Variants in TTC34 observed in about 807,000 individuals in gnomAD.
The protein encoded by TTC34 is tetratricopeptide repeat protein 34.
TTC34 carries 44 observed loss-of-function variants against 40.7 expected under a neutral mutation model. The observed-to-expected ratio is 1.08, with a 90% confidence interval of 0.85 to 1.39. TTC34 has a LOEUF of 1.39. Ranked by LOEUF, TTC34 falls within the 40% of genes most tolerant of loss-of-function variation. The pLI is 0.00. For synonymous variants in TTC34, 422 were observed against 398.6 expected, an observed-to-expected ratio of 1.06 and a Z score of -0.70; for missense variants, 884 against 838.0, an observed-to-expected ratio of 1.05 and a Z score of -0.68.
intron 2 of TTC34, among the ~76,000 whole-genome samples, chr1:2,791,751 C>T (rs1026526715): frequency 6.6e-6 from 1 of 152,048 alleles, no homozygotes; most frequent in Non-Finnish European, 1.5e-5. Flanking sequence ...AGGGGAGAAC[C>T]CTTGGGACCT....
intron 6 of TTC34, among the ~76,000 whole-genome samples, chr1:2,755,591 G>T (rs1410337383): frequency 1.0e-4 from 3 of 29,260 alleles, no homozygotes; most frequent in Non-Finnish European, 2.2e-4. Flanking sequence ...ACCTCCCGGC[G>T]AGCATCCGAC....
rs1171003756 is a variant in TTC34, at chr1:2,694,045, A to T, written c.2227-48482T>A. Reference sequence around the variant, plus strand: ...ACCCACACCCCCAGGCGAGCATCTCACAGCACGTAACAGCACCCACACACC... The same window carrying T: ...ACCCACACCCCCAGGCGAGCATCTCTCAGCACGTAACAGCACCCACACACC... On this transcript the variant is annotated intron_variant, in intron 6 of 8. Coordinates refer to ENST00000401095, the Ensembl canonical transcript of TTC34. Among the ~76,000 whole-genome samples the T allele has an allele frequency of 1.0e-4, 12 of 114,490 alleles. 2 individuals carry two copies. The highest frequency in any genetic ancestry group is 1.9e-4 in the Non-Finnish European group (10 of 51,720). The allele number at this position is 114,490 out of a possible 152,430, so 75.1% of individuals were successfully genotyped here. A position where few individuals can be genotyped will look rare whatever the true frequency, so the allele number is the denominator to read the frequency against.
intron 6 of TTC34, among the ~76,000 whole-genome samples, chr1:2,682,013 A>T (rs1274016828): frequency 1.0e-5 from 1 of 100,290 alleles, no homozygotes; most frequent in Non-Finnish European, 2.1e-5. Flanking sequence ...ACAGCCTGGA[A>T]CAACACCCAT....
At chr1:2,684,886 A>G (rs1245633427) in intron 6 of TTC34, among the ~76,000 whole-genome samples, 1 of 112,910 alleles carries the variant, frequency 8.9e-6, no homozygotes, top group Non-Finnish European at 1.7e-5. Flanking sequence ...ACCCCAGGTG[A>G]GCATCTGACA....
At chr1:2,683,421 ACCACCCTTCACCCCCAGGT>A (rs1640169695) in intron 6 of TTC34, among the ~76,000 whole-genome samples, 1 of 112,144 alleles carries the variant, frequency 8.9e-6, no homozygotes. Flanking sequence ...AGCCTGGAAC[ACCACCCTTCACCCCCAGGT>A]GAGCATCCGA....
At chr1:2,697,253 A>C (rs906249280) in intron 6 of TTC34, among the ~76,000 whole-genome samples, 32 of 68,464 alleles carry the variant, frequency 4.7e-4, no homozygotes, top group Non-Finnish European at 6.5e-4. Flanking sequence ...CCCCCAGGTG[A>C]GCAAGTGACA....
intron 6 of TTC34, among the ~76,000 whole-genome samples, chr1:2,692,557 AT>A (rs1640672789): frequency 8.4e-6 from 1 of 118,890 alleles, no homozygotes; most frequent in Non-Finnish European, 1.9e-5. Context: ...CCAGGCGAGC[AT>A]CGGACGGCCT....
At chr1:2,749,377 C>CATG (rs1641243232) in intron 6 of TTC34, among the ~76,000 whole-genome samples, 1 of 100,138 alleles carries the variant, frequency 1.0e-5, no homozygotes, top group Non-Finnish European at 1.9e-5. Context: ...AGGTGAGACC[C>CATG]TGACAGCCTG....
At chr1:2,780,731 C>T (rs1227226653) in intron 6 of TTC34, among the ~76,000 whole-genome samples, 1 of 152,120 alleles carries the variant, frequency 6.6e-6, no homozygotes, top group Non-Finnish European at 1.5e-5. Flanking sequence ...GTTGTTTTGG[C>T]TGTTTGGGGT....
exon 9 of TTC34, chr1:2,641,311 T>C: frequency 6.9e-7 from 1 of 1,443,998 alleles, no homozygotes; most frequent in Non-Finnish European, 9.1e-7. Flanking sequence ...GGCCTGGACA[T>C]CAGGTGCAGA....
chr1:2,747,583 A>C, intron 6 of TTC34, among the ~76,000 whole-genome samples: 1 of 136,624 alleles, frequency 7.3e-6, no homozygotes, highest in Admixed American at 7.2e-5. Flanking sequence ...ACAGACTGGA[A>C]CAGCACCCAC....
chr1:2,791,812 T>G (rs1643666128), intron 2 of TTC34, among the ~76,000 whole-genome samples: 1 of 151,958 alleles, frequency 6.6e-6, no homozygotes, highest in African/African-American at 2.4e-5. Flanking sequence ...GGGTGATCTC[T>G]CCTCTCTTTC....
intron 6 of TTC34, among the ~76,000 whole-genome samples, chr1:2,700,091 A>C (rs1641060796): frequency 8.4e-6 from 1 of 119,288 alleles, no homozygotes; most frequent in Non-Finnish European, 2.0e-5. Context: ...CAGCACCCAC[A>C]GTCCCAGGTG....
intron 6 of TTC34, among the ~76,000 whole-genome samples, chr1:2,656,431 T>G (rs1468611216): frequency 5.6e-5 from 3 of 53,138 alleles, no homozygotes; most frequent in African/African-American, 8.4e-5. Context: ...GGTGAGCATC[T>G]GACAGCCTGC....
At chr1:2,784,534 C>G (rs959934352) in intron 5 of TTC34, among the ~76,000 whole-genome samples, 2 of 152,148 alleles carry the variant, frequency 1.3e-5, no homozygotes, top group African/African-American at 2.4e-5. Context: ...CTTTCCCGGT[C>G]TGCTCAGTAA....
At chr1:2,753,378 C>G (rs1372522518) in intron 6 of TTC34, among the ~76,000 whole-genome samples, 15 of 118,368 alleles carry the variant, frequency 1.3e-4, no homozygotes, top group African/African-American at 5.8e-4. Flanking sequence ...ACCCACACCC[C>G]CAGGCGAGCA....
Position 2,645,640 on chromosome 1 carries a change from TG to T in TTC34, c.2227-78del. On this transcript the variant is annotated intron_variant, in intron 6 of 8. Transcript: ENST00000401095. The surrounding 1 kb of genome is among the most constrained non-coding windows in gnomAD (Gnocchi z 4.7). ...GGGCAGAGGGTCAGAGTAGGAGGAC[TG>T]GCTCTGTCTTTCTCATTCCCTGATC... is the stretch of plus-strand genomic sequence containing the variant. 7.4e-7 allele frequency: 1 copy of T among 1,360,366 alleles called. No individual in the cohort carries two copies. The allele number at this position is 1,360,366 out of a possible 1,614,324, so 84.3% of individuals were successfully genotyped here.
chr1:2,656,370 C>CTG (rs1557589955), intron 6 of TTC34, among the ~76,000 whole-genome samples: 30 of 98,576 alleles, frequency 3.0e-4, no homozygotes, highest in Non-Finnish European at 4.3e-4. Context: ...GGAACAGCAC[C>CTG]CACACCCACA....
intron 6 of TTC34, among the ~76,000 whole-genome samples, chr1:2,653,642 A>ACCCACAC (rs1639231188): frequency 8.0e-6 from 1 of 125,456 alleles, no homozygotes; most frequent in African/African-American, 3.2e-5. Flanking sequence ...CTGGAGCAGC[A>ACCCACAC]TCCACACCCC....
Sources: allele counts gnomAD v4.1 joint callset (sites outside exome capture counted in the v4.1 genomes callset), GRCh38; gene constraint gnomAD v4.1.1; non-coding constraint Gnocchi (gnomAD v3.1); transcripts MANE v1.5; gene names NCBI Gene and HGNC (gene_info 2026-07-23, HGNC 2026-07-21).